The following CCSER1 variants were observed in gnomAD, a reference collection of about 807,000 sequenced individuals.
CCSER1 encodes serine-rich coiled-coil domain-containing protein 1.
In CCSER1, 41 loss-of-function variants were observed where a neutral mutation model predicts 82.0. The ratio of observed to expected loss-of-function variants is 0.50; its 90% CI spans 0.39 to 0.65. The LOEUF (loss-of-function observed/expected upper bound fraction) is 0.65, where lower values mean the gene tolerates loss of function less well. Among genes scored for constraint, CCSER1 ranks in the 30% least tolerant of loss-of-function variants. The probability of loss-of-function intolerance (pLI) is 0.00; values close to 1 mark genes in which losing one functional copy is unlikely to be tolerated. For missense variants in CCSER1, 1,119 were observed against 1,064.2 expected (o/e 1.05, Z -0.72); for synonymous variants, 414 against 383.9 (o/e 1.08, Z -0.92).
intron 1 of CCSER1, among the ~76,000 whole-genome samples, chr4:90,207,257 G>A (rs1739037879): frequency 6.6e-6 from 1 of 152,036 alleles, no homozygotes; most frequent in African/African-American, 2.4e-5. Flanking sequence ...TTCAATCTCT[G>A]ATATCCTTTC....
At chr4:91,555,327 T>C (rs1225568876) in intron 10 of CCSER1, among the ~76,000 whole-genome samples, 1 of 151,140 alleles carries the variant, frequency 6.6e-6, no homozygotes, top group African/African-American at 2.4e-5. Context: ...ATATCACTGA[T>C]CAGCTAGGAT....
chr4:91,578,860 C>T lies in CCSER1; in HGVS notation c.2218-19712C>T, dbSNP rs149798275. Among the ~76,000 whole-genome samples, 45 of 151,978 alleles carry T rather than the reference C, an allele frequency of 3.0e-4. No individual in the cohort carries two copies. In the East Asian group the frequency reaches 8.3e-3, roughly 28 times the overall value. ...TTGATATGCAAATGAGTTATGTTTA[C>T]AGAAGTACCCACTAGTGGTGATAGA... On this transcript the variant is annotated intron_variant, in intron 10 of 10. Coordinates refer to ENST00000509176, the MANE Select transcript of CCSER1 (RefSeq NM_001145065.2).
chr4:91,380,706 C>T (rs1353964604), intron 10 of CCSER1, among the ~76,000 whole-genome samples: 1 of 152,102 alleles, frequency 6.6e-6, no homozygotes, highest in African/African-American at 2.4e-5. Flanking sequence ...ATCTGATTTG[C>T]CAGTGTGTGT....
chr4:90,798,294 A>G (rs1038225587), intron 7 of CCSER1, among the ~76,000 whole-genome samples: 2 of 152,080 alleles, frequency 1.3e-5, no homozygotes, highest in Non-Finnish European at 2.9e-5. Flanking sequence ...TTGCATTATG[A>G]AATTCCTGTA....
intron 10 of CCSER1, among the ~76,000 whole-genome samples, chr4:91,379,798 T>G (rs1406678848): frequency 3.9e-5 from 6 of 152,230 alleles, no homozygotes; most frequent in Non-Finnish European, 7.3e-5. Context: ...AGATTTTGAA[T>G]GTGTTTGCTC....
intron 10 of CCSER1, among the ~76,000 whole-genome samples, chr4:91,277,652 T>G (rs1246528741): frequency 1.3e-5 from 2 of 151,708 alleles, no homozygotes; most frequent in African/African-American, 4.8e-5. Context: ...CATTGATCCT[T>G]TATATATATT....
chr4:91,495,912 G>A (rs917854135), intron 10 of CCSER1, among the ~76,000 whole-genome samples: 3 of 151,474 alleles, frequency 2.0e-5, no homozygotes, highest in Non-Finnish European at 4.4e-5. Context: ...GCATGATAAC[G>A]TTTTGAATAA....
At chr4:91,421,381 A>G (rs976313278) in intron 10 of CCSER1, among the ~76,000 whole-genome samples, 8 of 152,178 alleles carry the variant, frequency 5.3e-5, no homozygotes, top group Admixed American at 3.9e-4. Flanking sequence ...AGGCCTGAGA[A>G]CCTTGTGGAG....
chr4:91,563,020 CAAGT>C (rs577838994), intron 10 of CCSER1, among the ~76,000 whole-genome samples: 34 of 151,568 alleles, frequency 2.2e-4, no homozygotes, highest in Middle Eastern at 6.8e-3. Flanking sequence ...AGGCCAATAA[CAAGT>C]AAGGAAATTG....
intron 10 of CCSER1, among the ~76,000 whole-genome samples, chr4:91,154,479 C>T (rs726587): frequency 0.72 from 109,849 of 151,842 alleles, 40,314 homozygotes; most frequent in Non-Finnish European, 0.78. Context: ...AATGCCAATG[C>T]GTTGCCCTGC....
intron 8 of CCSER1, among the ~76,000 whole-genome samples, chr4:90,857,438 A>C (rs1764582373): frequency 6.6e-6 from 1 of 152,164 alleles, no homozygotes; most frequent in East Asian, 1.9e-4. Context: ...AGTCCAGAGA[A>C]TGAGAGCAGG....
intron 4 of CCSER1, among the ~76,000 whole-genome samples, chr4:90,452,664 AG>A (rs1761618641): frequency 6.6e-6 from 1 of 152,206 alleles, no homozygotes; most frequent in Admixed American, 6.5e-5. Flanking sequence ...GGGAAGTCTA[AG>A]GGCTGGTACC....
chr4:90,251,212 T>C (rs1206333965), intron 1 of CCSER1, among the ~76,000 whole-genome samples: 1 of 151,888 alleles, frequency 6.6e-6, no homozygotes, highest in Non-Finnish European at 1.5e-5. Flanking sequence ...TTTATTTAAG[T>C]GTTATAAATT....
At chr4:90,608,068 C>A (rs1311783812) in intron 5 of CCSER1, among the ~76,000 whole-genome samples, 1 of 152,110 alleles carries the variant, frequency 6.6e-6, no homozygotes, top group Non-Finnish European at 1.5e-5. Flanking sequence ...TTTTACATTG[C>A]TTTCTGAAAG....
chr4:90,650,768 G>T (rs560913019), intron 6 of CCSER1, among the ~76,000 whole-genome samples: 2 of 152,170 alleles, frequency 1.3e-5, no homozygotes, highest in South Asian at 4.1e-4. Context: ...CTAAGCCAAT[G>T]TGTCACTAAG....
intron 1 of CCSER1, among the ~76,000 whole-genome samples, chr4:90,219,167 A>C (rs2153420130): frequency 6.6e-6 from 1 of 152,306 alleles, no homozygotes; most frequent in African/African-American, 2.4e-5. Context: ...GGTAACATGA[A>C]TTAGAAGTAT....
intron 5 of CCSER1, among the ~76,000 whole-genome samples, chr4:90,618,809 T>C (rs1251865606): frequency 6.6e-6 from 1 of 151,910 alleles, no homozygotes; most frequent in Non-Finnish European, 1.5e-5. Context: ...TCATAATAAG[T>C]AAATCACTTT....
intron 10 of CCSER1, among the ~76,000 whole-genome samples, chr4:91,307,787 T>C (rs1215766941): frequency 3.3e-5 from 5 of 152,012 alleles, no homozygotes; most frequent in Non-Finnish European, 5.9e-5. Flanking sequence ...ATTGTAATTG[T>C]TGCTGACTTT....
At position 91,011,102 on chromosome 4, in the gene CCSER1, C is replaced by T. The variant is rs1738968861; in HGVS notation, c.2173-74848C>T. Among the ~76,000 whole-genome samples, 5 of 134,252 alleles carry T rather than the reference C, an allele frequency of 3.7e-5. 1 individual carries two copies. In the South Asian group the frequency reaches 9.6e-4, roughly 26 times the overall value. 88.1% of individuals were successfully genotyped at this position (134,252 alleles called of 152,430 possible). On this transcript the variant is annotated intron_variant, in intron 9 of 10. Transcript: ENST00000509176. ...TTTCACCTGCAGATGAGTCTAACTG[C>T]GCTGTTTGGGAAGAGTGTGGTGACT...
Sources: gnomAD v4.1 joint callset for allele counts (sites outside exome capture counted in the v4.1 genomes callset) on GRCh38, gnomAD v4.1.1 for gene constraint, MANE v1.5 for transcripts, NCBI Gene and HGNC (gene_info 2026-07-23, HGNC 2026-07-21) for gene names.